SPATA18: variants seen among roughly 807,000 people sequenced by gnomAD.
SPATA18 encodes spermatogenesis associated 18, also known as mitochondria-eating protein.
A neutral mutation model predicts 68.1 loss-of-function variants in SPATA18; 54 were observed. The observed-to-expected ratio is 0.79, with a 90% confidence interval of 0.64 to 0.99. SPATA18 has a LOEUF of 0.99. Ranked by LOEUF, SPATA18 falls within the 50% of genes least tolerant of loss-of-function variation. The pLI, the probability that SPATA18 is intolerant of heterozygous loss-of-function variation, is 0.00. For synonymous variants in SPATA18, 242 were observed against 244.8 expected (o/e 0.99, Z 0.11); for missense variants, 724 against 681.1 (o/e 1.06, Z -0.70).
chr4:52,070,522 T>A (rs771318741), intron 5 of SPATA18, among the ~76,000 whole-genome samples: 1 of 97,212 alleles, frequency 1.0e-5, no homozygotes, highest in East Asian at 3.2e-4. Context: ...CATCACACTC[T>A]GGGGACTGTT....
chr4:52,087,835 C>T (rs1035620216), intron 11 of SPATA18, among the ~76,000 whole-genome samples: 17 of 152,120 alleles, frequency 1.1e-4, no homozygotes, highest in Non-Finnish European at 5.9e-5. Context: ...ATGGAGATAG[C>T]ATTGAATCTA....
chr4:52,064,183 C>CTATG (rs1739128101), intron 4 of SPATA18, among the ~76,000 whole-genome samples: 1 of 145,976 alleles, frequency 6.9e-6, no homozygotes, highest in African/African-American at 2.5e-5. Context: ...CCTTCTCTTT[C>CTATG]TATATATATA....
At chr4:52,064,017 AG>A (rs755370415) in intron 4 of SPATA18, among the ~76,000 whole-genome samples, 53 of 152,248 alleles carry the variant, frequency 3.5e-4, no homozygotes, top group Admixed American at 3.9e-4. Flanking sequence ...GTTACCTATA[AG>A]GGGTACCATA....
At chr4:52,084,342 C>T (rs571117389) in intron 10 of SPATA18, among the ~76,000 whole-genome samples, 1 of 152,124 alleles carries the variant, frequency 6.6e-6, no homozygotes, top group South Asian at 2.1e-4. Flanking sequence ...GGAAGTTCTT[C>T]CTAAAAGAAA....
chr4:52,060,752 C>T (rs1235443567), intron 2 of SPATA18, 30 bp from the exon 3 acceptor site: 2 of 1,577,278 alleles, frequency 1.3e-6, no homozygotes, highest in Non-Finnish European at 1.7e-6. Context: ...TGGTGTGCTG[C>T]ACCCATTAAC....
chr4:52,094,772 AG>A, intron 12 of SPATA18, 107 bp from the exon 13 acceptor site: 1 of 1,479,772 alleles, frequency 6.8e-7, no homozygotes. Context: ...TCCAACCAAG[AG>A]GCTTCATTGC....
At chr4:52,058,181 A>G (rs909334253) in intron 1 of SPATA18, among the ~76,000 whole-genome samples, 2 of 152,330 alleles carry the variant, frequency 1.3e-5, no homozygotes, top group African/African-American at 4.8e-5. Context: ...TCAACATTAC[A>G]CTGTTAAATT....
At chr4:52,051,824 C>T (rs763957170) in intron 1 of SPATA18, 33 bp downstream of exon 1, 5 of 1,583,976 alleles carry the variant, frequency 3.2e-6, no homozygotes, top group Non-Finnish European at 4.3e-6. Flanking sequence ...CGGGGTTCGC[C>T]CTCCCATAGG....
chr4:52,094,661 G>T, intron 12 of SPATA18, 89 bp downstream of exon 12: 1 of 1,402,962 alleles, frequency 7.1e-7, no homozygotes, highest in Non-Finnish European at 1.0e-6. Flanking sequence ...TGAATGCTTT[G>T]CTTCCTAGAG....
chr4:52,069,723 A>G (rs1739629629), intron 4 of SPATA18, 98 bp from the exon 5 acceptor site: 1 of 679,428 alleles, frequency 1.5e-6, no homozygotes, highest in Non-Finnish European at 2.3e-6. Context: ...ATGTTGAACT[A>G]TGTCATATAC....
chr4:52,077,070 C>G, intron 7 of SPATA18, 30 bp downstream of exon 7: 1 of 1,562,274 alleles, frequency 6.4e-7, no homozygotes, highest in Non-Finnish European at 8.7e-7. Flanking sequence ...CTCCCGGCTC[C>G]TTAGGGCAGC....
intron 3 of SPATA18, 122 bp downstream of exon 3, chr4:52,061,019 G>T (rs1189637467): frequency 1.3e-6 from 1 of 743,098 alleles, no homozygotes; most frequent in Admixed American, 2.6e-5. Flanking sequence ...ATTTGTGATG[G>T]ATATTGGTGG....
chr4:52,062,159 A>T (rs1578153679), intron 3 of SPATA18, 61 bp from the exon 4 acceptor site: 1 of 1,059,552 alleles, frequency 9.4e-7, no homozygotes, highest in South Asian at 1.5e-5. Flanking sequence ...TTAAAAATTC[A>T]TCCATGTCAT....
At chr4:52,053,163 A>G (rs1259220880) in intron 1 of SPATA18, among the ~76,000 whole-genome samples, 1 of 152,196 alleles carries the variant, frequency 6.6e-6, no homozygotes, top group African/African-American at 2.4e-5. Flanking sequence ...GTTTGTCACA[A>G]TGTTTATTAC....
chr4:52,058,012 T>C (rs1001355085), intron 1 of SPATA18, among the ~76,000 whole-genome samples: 2 of 152,166 alleles, frequency 1.3e-5, no homozygotes, highest in Non-Finnish European at 2.9e-5. Context: ...ACTTAGCACA[T>C]GGAATGATCT....
In SPATA18 at chr4:52,071,812, T is replaced by A. The variant is rs948269405; in HGVS notation, c.519-105T>A. 36 of 1,128,932 alleles carry A rather than the reference T, an allele frequency of 3.2e-5. No homozygotes were observed. In the East Asian group the frequency reaches 9.3e-4, roughly 29 times the overall value. 69.9% of individuals were successfully genotyped at this position (1,128,932 alleles called of 1,614,324 possible). On this transcript the variant is annotated intron_variant, in intron 5 of 12. Transcript: ENST00000295213. ...TGCAATAATGGCAGGCTGAGTAGCC[T>A]CTGTTGTTAAGCATGCCAATTGCTG...
intron 10 of SPATA18, chr4:52,083,165 G>A (rs972772808): frequency 2.0e-6 from 2 of 985,388 alleles, no homozygotes; most frequent in Non-Finnish European, 2.4e-6. Context: ...ATTGGGTGAT[G>A]GAACTGGTAG....
chr4:52,058,768 G>A (rs1186756043), intron 1 of SPATA18, among the ~76,000 whole-genome samples: 2 of 152,142 alleles, frequency 1.3e-5, no homozygotes, highest in Non-Finnish European at 2.9e-5. Flanking sequence ...GTATAGTTTA[G>A]TAGTTAAGAG....
intron 8 of SPATA18, 117 bp from the exon 9 acceptor site, chr4:52,079,627 A>G: frequency 4.2e-6 from 5 of 1,182,008 alleles, no homozygotes; most frequent in Non-Finnish European, 6.0e-6. Context: ...TTTCTGCTTT[A>G]ACTTGCTTTG....
Sources: allele counts gnomAD v4.1 joint callset (sites outside exome capture counted in the v4.1 genomes callset), GRCh38; gene constraint gnomAD v4.1.1; transcripts MANE v1.5; gene names NCBI Gene and HGNC (gene_info 2026-07-23, HGNC 2026-07-21).